CAPN14: variants seen among roughly 807,000 people sequenced by gnomAD.
CAPN14 encodes the protein calpain-14.
A neutral mutation model predicts 101.3 loss-of-function variants in CAPN14; 94 were observed. The observed-to-expected ratio is 0.93, with a 90% CI of 0.79 to 1.10. CAPN14 has a LOEUF of 1.10. CAPN14 is among the 50% of genes least tolerant of loss of function. CAPN14 has a pLI of 0.00. For synonymous variants in CAPN14, 338 were observed against 317.9 expected, an observed-to-expected ratio of 1.06 and a Z score of -0.67; for missense variants, 837 against 828.4, an observed-to-expected ratio of 1.01 and a Z score of -0.13.
At chr2:31,195,381 C>T (rs954677298) in intron 8 of CAPN14, among the ~76,000 whole-genome samples, 5 of 152,140 alleles carry the variant, frequency 3.3e-5, no homozygotes, top group Admixed American at 1.3e-4. Flanking sequence ...CTGCCACGTA[C>T]GCTGGAGTGC....
At chr2:31,188,211 A>T in intron 14 of CAPN14, 107 bp downstream of exon 14, 1 of 965,014 alleles carries the variant, frequency 1.0e-6, no homozygotes, top group Non-Finnish European at 1.6e-6. Flanking sequence ...CAGGGTCTGT[A>T]AGGATCCGCA....
chr2:31,200,363 G>A, intron 6 of CAPN14, 88 bp downstream of exon 6: 1 of 1,240,238 alleles, frequency 8.1e-7, no homozygotes, highest in Non-Finnish European at 1.1e-6. Flanking sequence ...GAGGCCCTGA[G>A]CCCACACCCA....
chr2:31,181,811 T>C (rs1166440732), intron 16 of CAPN14, among the ~76,000 whole-genome samples: 1 of 150,228 alleles, frequency 6.7e-6, no homozygotes, highest in African/African-American at 2.5e-5. Context: ...CTGAGAATGA[T>C]GATTTCCAAT....
rs572604200 is a variant in CAPN14, at chr2:31,205,824, G to A, written c.-52-325C>T. 1.0e-3 allele frequency among the ~76,000 whole-genome samples: 157 copies of A among 152,096 alleles called. 1 individual carries two copies. The highest frequency in any genetic ancestry group is 3.6e-3 in the African/African-American group (151 of 41,502). The stretch of plus-strand genomic sequence containing the variant: ...TCTGCTTAGTGGGGAGGCAGGAGAA[G>A]AGAAGCAGGAAGCTGGAGCTCAGTC... On this transcript the variant is annotated intron_variant, in intron 1 of 21. Transcript: ENST00000403897.
chr2:31,210,392 G>A (rs1227059698), intron 1 of CAPN14, among the ~76,000 whole-genome samples: 2 of 152,134 alleles, frequency 1.3e-5, no homozygotes, highest in African/African-American at 4.8e-5. Flanking sequence ...AGCTTGCAGT[G>A]AGCCGAGATT....
intron 1 of CAPN14, among the ~76,000 whole-genome samples, chr2:31,212,182 C>A (rs556084416): frequency 6.6e-6 from 1 of 151,906 alleles, no homozygotes; most frequent in Non-Finnish European, 1.5e-5. Flanking sequence ...CTGTGGTGGG[C>A]GCCCGTAATC....
chr2:31,179,931 T>G (rs559261825), intron 17 of CAPN14, among the ~76,000 whole-genome samples: 1 of 152,326 alleles, frequency 6.6e-6, no homozygotes, highest in East Asian at 1.9e-4. Flanking sequence ...GATTTAAATT[T>G]AAAAAATAGT....
chr2:31,189,555 C>A, intron 12 of CAPN14, 77 bp from the exon 13 acceptor site: 1 of 1,214,868 alleles, frequency 8.2e-7, no homozygotes, highest in South Asian at 1.3e-5. Flanking sequence ...CCTCAAAGCT[C>A]TGAGCCAGGA....
chr2:31,197,420 C>T, intron 7 of CAPN14, 86 bp from the exon 8 acceptor site: 1 of 903,482 alleles, frequency 1.1e-6, no homozygotes. Flanking sequence ...TGGAGCTGAG[C>T]ACTTGCAGTG....
chr2:31,177,228 C>T, intron 19 of CAPN14, 86 bp from the exon 20 acceptor site: 1 of 810,602 alleles, frequency 1.2e-6, no homozygotes, highest in South Asian at 1.7e-5. Flanking sequence ...AATGTCCCTC[C>T]AGTTTAGGGA....
intron 12 of CAPN14, 83 bp downstream of exon 12, chr2:31,191,316 C>G (rs1485386424): frequency 3.8e-6 from 5 of 1,332,570 alleles, no homozygotes; most frequent in Non-Finnish European, 5.2e-6. Context: ...GAAGCCTGCT[C>G]CAGTCTAACT....
At chr2:31,220,762 G>C (rs1016649736), upstream of CAPN14, among the ~76,000 whole-genome samples, 7 of 152,220 alleles carry the variant, frequency 4.6e-5, no homozygotes, top group Admixed American at 3.9e-4. Context: ...CAGGGAGGCA[G>C]AGGTTGCAGT....
intron 1 of CAPN14, among the ~76,000 whole-genome samples, chr2:31,217,118 C>T (rs541164191): frequency 7.9e-5 from 12 of 152,132 alleles, no homozygotes; most frequent in African/African-American, 2.7e-4. Flanking sequence ...CACCTAGCAG[C>T]ATCAGTAACT....
At position 31,230,713 on chromosome 2, in the gene CAPN14, T is replaced by C. The variant is rs747388745; in HGVS notation, c.-177+3078A>G. On this transcript the variant is annotated intron_variant and NMD_transcript_variant, in intron 1 of 21. Coordinates refer to the CAPN14 transcript ENST00000398824. This position sits in a 1 kb window ranked among gnomAD's most constrained non-coding sequence, Gnocchi z 4.3. ...TTGGAATGTTTGTCTTTGTTATCGATGCACAGCCATTAGTTCTATATTCTG... is the reference window on the plus strand; with the variant it reads ...TTGGAATGTTTGTCTTTGTTATCGACGCACAGCCATTAGTTCTATATTCTG... 1.3e-5 allele frequency among the ~76,000 whole-genome samples: 2 copies of C among 152,258 alleles called. No individual in the cohort carries two copies. Among genetic ancestry groups the C allele is most frequent in the Non-Finnish European group, 2.9e-5 (2 of 68,042 alleles).
intron 7 of CAPN14, among the ~76,000 whole-genome samples, chr2:31,198,197 G>C (rs1681565932): frequency 6.6e-6 from 1 of 152,168 alleles, no homozygotes; most frequent in Admixed American, 6.5e-5. Context: ...AAGACTAACA[G>C]AAACTTGAAA....
At chr2:31,181,495 T>C in intron 16 of CAPN14, among the ~76,000 whole-genome samples, 1 of 131,116 alleles carries the variant, frequency 7.6e-6, no homozygotes, top group Non-Finnish European at 1.5e-5. Context: ...CTCTCTCTCT[T>C]TCCTTTCTTT....
chr2:31,178,427 G>T, intron 18 of CAPN14, 84 bp downstream of exon 18: 1 of 1,048,718 alleles, frequency 9.5e-7, no homozygotes. Context: ...AGGGCTGAAG[G>T]GGACAGAAGT....
At chr2:31,220,732 G>A (rs1682838518), upstream of CAPN14, among the ~76,000 whole-genome samples, 1 of 152,214 alleles carries the variant, frequency 6.6e-6, no homozygotes, top group Non-Finnish European at 1.5e-5. Flanking sequence ...AGGAGGCTGA[G>A]GTGGGAGAAT....
Position 31,173,210 on chromosome 2 carries a change from T to C in CAPN14, c.*1471A>G, listed in dbSNP as rs1399664747. 6.6e-6 allele frequency: 1 copy of C among 152,254 alleles called. No individual in the cohort carries two copies. The highest frequency in any genetic ancestry group is 1.5e-5 in the Non-Finnish European group (1 of 68,048). The allele number at this position is 152,254 out of a possible 1,614,324, so 9.4% of individuals were successfully genotyped here. On this transcript the variant is annotated 3_prime_UTR_variant, in exon 22 of 22. Coordinates refer to ENST00000403897, the MANE Select transcript of CAPN14 (RefSeq NM_001145122.2). ...TAAAATCAACAACATCTCATGTATC[T>C]GGCACTTTATGGAAACCCATTTTAC... is the stretch of plus-strand genomic sequence containing the variant.
Sources: gnomAD v4.1 joint callset for allele counts (sites outside exome capture counted in the v4.1 genomes callset) on GRCh38, gnomAD v4.1.1 for gene constraint, Gnocchi (gnomAD v3.1) non-coding constraint, MANE v1.5 for transcripts, NCBI Gene and HGNC (gene_info 2026-07-23, HGNC 2026-07-21) for gene names.